The following PDE10A variants were observed in gnomAD, a reference collection of about 807,000 sequenced individuals.
The protein encoded by PDE10A is cAMP and cAMP-inhibited cGMP 3',5'-cyclic phosphodiesterase 10A.
Under a neutral mutation model 97.7 loss-of-function variants are expected in PDE10A, and 39 were observed. The ratio of observed to expected loss-of-function variants is 0.40; its 90% CI spans 0.31 to 0.52. The LOEUF (loss-of-function observed/expected upper bound fraction) is 0.52, where lower values mean the gene tolerates loss of function less well. Ranked by LOEUF, PDE10A falls within the 20% of genes least tolerant of loss-of-function variation. PDE10A has a pLI of 0.56. For missense variants in PDE10A, 731 were observed against 1,047.8 expected, an observed-to-expected ratio of 0.70 and a Z score of 4.17; for synonymous variants, 371 against 376.8, an observed-to-expected ratio of 0.98 and a Z score of 0.18.
rs1781358415 is a variant in PDE10A at position 165,331,852 on chromosome 6, G to A, written c.*1173C>T. On this transcript the variant is annotated 3_prime_UTR_variant, in exon 22 of 22. Transcript: ENST00000539869. Reference sequence around the variant, plus strand: ...TGGAGTGATCTGATCTGTGAGAAGAGTAAAGAGAACAGAAAGAAGGTCCAA... The same window carrying A: ...TGGAGTGATCTGATCTGTGAGAAGAATAAAGAGAACAGAAAGAAGGTCCAA... 6.6e-6 allele frequency: 1 copy of A among 152,194 alleles called. No individual in the cohort carries two copies. Among genetic ancestry groups the A allele is most frequent in the Non-Finnish European group, 1.5e-5 (1 of 68,030 alleles). The allele number at this position is 152,194 out of a possible 1,614,324, so 9.4% of individuals were successfully genotyped here. A position where few individuals can be genotyped will look rare whatever the true frequency, so the allele number is the denominator to read the frequency against.
intron 3 of PDE10A, among the ~76,000 whole-genome samples, chr6:165,453,191 T>G (rs1296735923): frequency 2.0e-5 from 3 of 152,162 alleles, no homozygotes; most frequent in African/African-American, 7.2e-5. Flanking sequence ...AGGATCTTCA[T>G]GACTACTCTT....
intron 1 of PDE10A, among the ~76,000 whole-genome samples, chr6:165,658,866 A>G (rs1790094318): frequency 6.6e-6 from 1 of 152,222 alleles, no homozygotes; most frequent in African/African-American, 2.4e-5. Context: ...ATAAGGGCAG[A>G]GTAAGGGCAC....
At chr6:165,899,018 A>T (rs2461728) in intron 1 of PDE10A, among the ~76,000 whole-genome samples, 117,298 of 152,108 alleles carry the variant, frequency 0.77, 45,445 homozygotes, top group East Asian at 0.97. Flanking sequence ...CCTTCACTCG[A>T]TGGTTTTGTC....
intron 1 of PDE10A, among the ~76,000 whole-genome samples, chr6:165,740,170 C>T (rs1010182188): frequency 6.6e-6 from 1 of 152,130 alleles, no homozygotes; most frequent in African/African-American, 2.4e-5. Context: ...CTATTGCCCA[C>T]TGTAGAAGGA....
chr6:165,360,590 G>A (rs750659013), intron 18 of PDE10A, among the ~76,000 whole-genome samples: 3 of 152,178 alleles, frequency 2.0e-5, no homozygotes, highest in Non-Finnish European at 4.4e-5. Context: ...GGAGATACAG[G>A]CTCAACTGTA....
intron 1 of PDE10A, among the ~76,000 whole-genome samples, chr6:165,632,457 T>C (rs1788679146): frequency 6.6e-6 from 1 of 152,162 alleles, no homozygotes. Flanking sequence ...TTCTTTAGGC[T>C]GTAATCTCTA....
chr6:165,377,742 A>T lies in PDE10A; in HGVS notation c.2783+1452T>A, dbSNP rs536146957. ...TGATCTTCTGATTGCCATAAAAAAA[A>T]ACTGAACAAACACCTGTTTCTACAT... On this transcript the variant is annotated intron_variant, in intron 18 of 21. Transcript: ENST00000539869. 2.0e-5 allele frequency among the ~76,000 whole-genome samples: 3 copies of T among 152,348 alleles called. No individual in the cohort carries two copies. The South Asian group carries it at 6.2e-4, about 32-fold the overall frequency.
chr6:165,335,784 C>A (rs895880436), intron 21 of PDE10A, among the ~76,000 whole-genome samples: 1 of 152,146 alleles, frequency 6.6e-6, no homozygotes, highest in Non-Finnish European at 1.5e-5. Context: ...TCTCCCACAC[C>A]GAGACAGAGG....
intron 18 of PDE10A, among the ~76,000 whole-genome samples, chr6:165,369,861 C>G (rs914303692): frequency 6.6e-6 from 1 of 151,668 alleles, no homozygotes; most frequent in African/African-American, 2.4e-5. Context: ...GGAAGCCCAT[C>G]AGACTAACAG....
upstream of PDE10A, among the ~76,000 whole-genome samples, chr6:165,666,573 A>G (rs142269932): frequency 2.0e-5 from 3 of 152,246 alleles, no homozygotes; most frequent in Non-Finnish European, 4.4e-5. Flanking sequence ...TCTCCATTCT[A>G]ATAGGATACT....
chr6:165,635,621 T>G (rs1788839371), intron 1 of PDE10A, among the ~76,000 whole-genome samples: 1 of 152,332 alleles, frequency 6.6e-6, no homozygotes, highest in African/African-American at 2.4e-5. Context: ...ATCTAAACAT[T>G]TTCTTAGCTA....
At chr6:165,695,180 T>A (rs1277373359) in intron 1 of PDE10A, among the ~76,000 whole-genome samples, 15 of 149,354 alleles carry the variant, frequency 1.0e-4, no homozygotes, top group African/African-American at 3.7e-4. Flanking sequence ...TCCTTGAAGT[T>A]GCTCCCCAGT....
At chr6:165,806,133 A>C (rs766556279) in intron 1 of PDE10A, among the ~76,000 whole-genome samples, 3 of 145,800 alleles carry the variant, frequency 2.1e-5, no homozygotes, top group Non-Finnish European at 4.5e-5. Flanking sequence ...TCCGGGCCAG[A>C]GGGTACTCAG....
chr6:165,427,279 T>G (rs1330640349), intron 10 of PDE10A, among the ~76,000 whole-genome samples: 1 of 152,146 alleles, frequency 6.6e-6, no homozygotes, highest in Non-Finnish European at 1.5e-5. Flanking sequence ...TGGAATATTA[T>G]TTGGTCATAA....
rs183721871 is a variant in PDE10A, at chr6:165,878,682, A to G, written c.-615+108847T>C. Among the ~76,000 whole-genome samples the G allele has an allele frequency of 1.9e-4, 29 of 152,310 alleles. No homozygotes were observed. In the East Asian group the frequency reaches 4.6e-3, roughly 24 times the overall value. On this transcript the variant is annotated intron_variant, in intron 1 of 19. Coordinates refer to the PDE10A transcript ENST00000366882. ...ATATGGAGCTTCACAGCAGAACAGG[A>G]ACATTGCAGGTATGATGAGCAGTCC...
chr6:165,478,737 G>A (rs989146921), intron 3 of PDE10A, among the ~76,000 whole-genome samples: 1 of 152,166 alleles, frequency 6.6e-6, no homozygotes, highest in South Asian at 2.1e-4. Context: ...GATTCTGGTA[G>A]CTGTCTGGTC....
chr6:165,741,376 TTA>T (rs1259036639), intron 1 of PDE10A, among the ~76,000 whole-genome samples: 1 of 152,196 alleles, frequency 6.6e-6, no homozygotes, highest in Non-Finnish European at 1.5e-5. Context: ...ATTATTACAA[TTA>T]TGTTTCCTTG....
chr6:165,535,416 C>T (rs1411170867), intron 2 of PDE10A, among the ~76,000 whole-genome samples: 3 of 151,882 alleles, frequency 2.0e-5, no homozygotes, highest in Non-Finnish European at 4.4e-5. Flanking sequence ...TATTATTCCA[C>T]TCTCTATGTC....
chr6:165,549,999 A>G (rs1288316275), intron 1 of PDE10A, among the ~76,000 whole-genome samples: 2 of 152,202 alleles, frequency 1.3e-5, no homozygotes, highest in Non-Finnish European at 2.9e-5. Flanking sequence ...TATTAATTTT[A>G]AAAACCAGTC....
Sources: gnomAD v4.1 joint callset for allele counts (sites outside exome capture counted in the v4.1 genomes callset) on GRCh38, gnomAD v4.1.1 for gene constraint, MANE v1.5 for transcripts, NCBI Gene and HGNC (gene_info 2026-07-23, HGNC 2026-07-21) for gene names.